The following CLHC1 variants were observed in gnomAD, a reference collection of about 807,000 sequenced individuals.
The protein encoded by CLHC1 is clathrin heavy chain linker domain-containing protein 1.
In CLHC1, 72 loss-of-function variants were observed where a neutral mutation model predicts 69.5. The ratio of observed to expected loss-of-function variants is 1.04; its 90% CI spans 0.86 to 1.26. CLHC1 has a LOEUF of 1.26. CLHC1 is among the 50% of genes most tolerant of loss of function. The pLI is 0.00. For synonymous variants in CLHC1, 223 were observed against 224.3 expected, an observed-to-expected ratio of 0.99 and a Z score of 0.05; for missense variants, 790 against 679.3, an observed-to-expected ratio of 1.16 and a Z score of -1.81.
chr2:55,188,453 C>G (rs1329672451), intron 9 of CLHC1, among the ~76,000 whole-genome samples: 2 of 152,068 alleles, frequency 1.3e-5, no homozygotes, highest in African/African-American at 4.8e-5. Flanking sequence ...ACACTACCAA[C>G]CATTGTCAAA....
At chr2:55,219,276 T>C (rs1673885727) in intron 3 of CLHC1, among the ~76,000 whole-genome samples, 1 of 152,226 alleles carries the variant, frequency 6.6e-6, no homozygotes, top group Admixed American at 6.5e-5. Context: ...CTCCCAAGTC[T>C]GTTTGTTAGA....
At chr2:55,231,286 C>T (rs1221301269) in intron 1 of CLHC1, among the ~76,000 whole-genome samples, 1 of 149,844 alleles carries the variant, frequency 6.7e-6, no homozygotes, top group Non-Finnish European at 1.5e-5. Flanking sequence ...GAAGAATAAA[C>T]GACTGGATTC....
intron 1 of CLHC1, among the ~76,000 whole-genome samples, chr2:55,231,643 A>G (rs1363043764): frequency 6.6e-6 from 1 of 152,178 alleles, no homozygotes; most frequent in Admixed American, 6.5e-5. Context: ...TACAGAAGAC[A>G]TTAGAAAGGA....
At chr2:55,210,031 A>G (rs1672833297) in intron 5 of CLHC1, among the ~76,000 whole-genome samples, 200 bp from the exon 6 acceptor site, 1 of 152,090 alleles carries the variant, frequency 6.6e-6, no homozygotes, top group South Asian at 2.1e-4. Flanking sequence ...TTATTTATTC[A>G]TTTATTTAAT....
intron 9 of CLHC1, among the ~76,000 whole-genome samples, chr2:55,198,754 C>T (rs1032350593): frequency 6.6e-6 from 1 of 152,034 alleles, no homozygotes. Flanking sequence ...AAGAAAAGAT[C>T]CTAAAAGCAG....
At chr2:55,177,960 A>AG (rs2103650918) in intron 11 of CLHC1, among the ~76,000 whole-genome samples, 179 bp from the exon 12 acceptor site, 1 of 152,080 alleles carries the variant, frequency 6.6e-6, no homozygotes, top group East Asian at 1.9e-4. Context: ...GTCAAAAAAA[A>AG]TCATGCTCAG....
intron 9 of CLHC1, among the ~76,000 whole-genome samples, chr2:55,198,021 G>C (rs1245492411): frequency 6.6e-6 from 1 of 152,128 alleles, no homozygotes; most frequent in Non-Finnish European, 1.5e-5. Flanking sequence ...ATTAGAAAGA[G>C]ACAGGCATAA....
intron 9 of CLHC1, among the ~76,000 whole-genome samples, chr2:55,189,474 C>A (rs1400327344): frequency 3.3e-5 from 5 of 152,090 alleles, no homozygotes; most frequent in African/African-American, 1.2e-4. Flanking sequence ...GGATAGTGAT[C>A]CTTGAAAGAT....
rs1669240172 is a variant in CLHC1, at chr2:55,174,780, T to C, written c.*1010A>G. 6.6e-6 allele frequency: 1 copy of C among 152,212 alleles called. No homozygotes were observed. The highest frequency in any genetic ancestry group is 6.5e-5 in the Admixed American group (1 of 15,272). The allele number at this position is 152,212 out of a possible 1,614,324, so 9.4% of individuals were successfully genotyped here. A position where few individuals can be genotyped will look rare whatever the true frequency, so the allele number is the denominator to read the frequency against. On this transcript the variant is annotated 3_prime_UTR_variant, in exon 13 of 13. Transcript: ENST00000401408. ...TTTCATTTTTTACTTGAAATTTTTT[T>C]TTCTTTTTTTAATAACAGAGACGGG...
Position 55,174,498 on chromosome 2 carries a change from T to C in CLHC1, c.*1292A>G, listed in dbSNP as rs1669211536. Among the ~76,000 whole-genome samples, 2 of 152,206 alleles carry C rather than the reference T, an allele frequency of 1.3e-5. No homozygotes were observed. On this transcript the variant is annotated 3_prime_UTR_variant, in exon 13 of 13. Coordinates refer to ENST00000401408, the MANE Select transcript of CLHC1 (RefSeq NM_152385.4). The stretch of plus-strand genomic sequence containing the variant: ...GTTTCTGGGGCCGATTACAAAGGAA[T>C]TACAGCTATCTTTTCCTAAGTTCCT...
At chr2:55,198,927 A>G (rs939919612) in intron 9 of CLHC1, among the ~76,000 whole-genome samples, 1 of 152,184 alleles carries the variant, frequency 6.6e-6, no homozygotes, top group Non-Finnish European at 1.5e-5. Context: ...ATATCCTTCA[A>G]ACACGAAGGA....
At chr2:55,219,341 A>G (rs1673892363) in intron 3 of CLHC1, among the ~76,000 whole-genome samples, 1 of 152,226 alleles carries the variant, frequency 6.6e-6, no homozygotes, top group East Asian at 1.9e-4. Flanking sequence ...CACAGAAAAT[A>G]CACTAAAGTA....
chr2:55,185,484 C>T (rs1360929871), intron 9 of CLHC1, among the ~76,000 whole-genome samples: 1 of 152,100 alleles, frequency 6.6e-6, no homozygotes, highest in East Asian at 1.9e-4. Context: ...ATTAATATGC[C>T]TTTTTTGAAT....
chr2:55,210,443 G>A (rs113992624), intron 5 of CLHC1, among the ~76,000 whole-genome samples: 14 of 151,364 alleles, frequency 9.2e-5, no homozygotes, highest in African/African-American at 3.2e-4. Flanking sequence ...TGATTCGCTC[G>A]CCTCGGCCTC....
At chr2:55,177,877 G>C (rs1178158338) in intron 11 of CLHC1, 96 bp from the exon 12 acceptor site, 1 of 858,032 alleles carries the variant, frequency 1.2e-6, no homozygotes, top group Non-Finnish European at 1.7e-6. Flanking sequence ...CCAATCAACA[G>C]TTTTTCTAAT....
chr2:55,205,988 T>A (rs1405794750), intron 9 of CLHC1, among the ~76,000 whole-genome samples: 1 of 152,230 alleles, frequency 6.6e-6, no homozygotes, highest in African/African-American at 2.4e-5. Context: ...TTTAAAAGGA[T>A]GTGGAGCAAA....
intron 4 of CLHC1, chr2:55,216,153 G>A (rs1337977085): frequency 2.7e-5 from 4 of 149,878 alleles, no homozygotes; most frequent in African/African-American, 9.9e-5. Context: ...GGGCATGGTG[G>A]CAAGAGCCTG....
At chr2:55,177,433 C>A (rs769223732) in intron 12 of CLHC1, among the ~76,000 whole-genome samples, 169 bp downstream of exon 12, 1 of 152,098 alleles carries the variant, frequency 6.6e-6, no homozygotes, top group Non-Finnish European at 1.5e-5. Context: ...TATCCTATTA[C>A]CAATAGATTA....
At position 55,172,600 on chromosome 2, in the gene CLHC1, T is replaced by C. The variant is rs1669046456; in HGVS notation, c.*3190A>G. 6.6e-6 allele frequency among the ~76,000 whole-genome samples: 1 copy of C among 151,676 alleles called. No individual in the cohort carries two copies. The highest frequency in any genetic ancestry group is 6.6e-5 in the Admixed American group (1 of 15,244). ...CAAGAACACAACAAATTATAACTACTAGCAAACTGACAGCTTTATACACCG... is the reference window on the plus strand; with the variant it reads ...CAAGAACACAACAAATTATAACTACCAGCAAACTGACAGCTTTATACACCG... On this transcript the variant is annotated 3_prime_UTR_variant, in exon 13 of 13. Transcript: ENST00000401408.
Sources: gnomAD v4.1 joint callset for allele counts (sites outside exome capture counted in the v4.1 genomes callset) on GRCh38, gnomAD v4.1.1 for gene constraint, MANE v1.5 for transcripts, NCBI Gene and HGNC (gene_info 2026-07-23, HGNC 2026-07-21) for gene names.